The following GCNT1 variants were observed in gnomAD, a reference collection of about 807,000 sequenced individuals.
The protein encoded by GCNT1 is glucosaminyl (N-acetyl) transferase 1, also known as beta-1,3-galactosyl-O-glycosyl-glycoprotein beta-1,6-N-acetylglucosaminyltransferase.
In GCNT1, 16 loss-of-function variants were observed where a neutral mutation model predicts 26.2. That is an observed-to-expected ratio of 0.61 (90% CI 0.41 to 0.93). GCNT1 has a LOEUF of 0.93. Among genes scored for constraint, GCNT1 ranks in the 40% least tolerant of loss-of-function variants. The pLI, the probability that GCNT1 is intolerant of heterozygous loss-of-function variation, is 0.00. For missense variants in GCNT1, 477 were observed against 526.7 expected, an observed-to-expected ratio of 0.91 and a Z score of 0.92; for synonymous variants, 183 against 190.8, an observed-to-expected ratio of 0.96 and a Z score of 0.34.
Position 76,507,327 on chromosome 9 carries a change from C to T in GCNT1, c.*3659C>T, listed in dbSNP as rs1056238818. 1 of 167,020 alleles carries T rather than the reference C, an allele frequency of 6.0e-6. No individual in the cohort carries two copies. The highest frequency in any genetic ancestry group is 1.5e-5 in the Non-Finnish European group (1 of 68,106). 10.3% of individuals were successfully genotyped at this position (167,020 alleles called of 1,614,324 possible). On this transcript the variant is annotated 3_prime_UTR_variant, in exon 4 of 4. Transcript: ENST00000376730. ...TACTATTTCATGATAAACATGGTCACTGTAAGTTTTACTCTTTTGAATGAG... is the reference window on the plus strand; with the variant it reads ...TACTATTTCATGATAAACATGGTCATTGTAAGTTTTACTCTTTTGAATGAG...
intron 2 of GCNT1, among the ~76,000 whole-genome samples, chr9:76,467,906 T>TG (rs1358683263): frequency 1.1e-4 from 14 of 130,778 alleles, no homozygotes; most frequent in African/African-American, 4.0e-4. Flanking sequence ...TGTTTTTTTT[T>TG]TTTTTTTTTT....
intron 1 of GCNT1, among the ~76,000 whole-genome samples, chr9:76,452,598 G>GA (rs1823689700): frequency 2.0e-5 from 3 of 152,076 alleles, no homozygotes; most frequent in Non-Finnish European, 2.9e-5. Flanking sequence ...CTGGAGCAGG[G>GA]GGAGGAGAGG....
chr9:76,459,026 A>G (rs1174297017), upstream of GCNT1: 1 of 152,334 alleles, frequency 6.6e-6, no homozygotes, highest in Non-Finnish European at 1.5e-5. Context: ...CTACTCCCAG[A>G]CCACGTCAGT....
intron 1 of GCNT1, among the ~76,000 whole-genome samples, chr9:76,430,743 G>A (rs1439482610): frequency 1.3e-5 from 2 of 151,974 alleles, no homozygotes; most frequent in African/African-American, 4.8e-5. Flanking sequence ...AAGTGCAGTG[G>A]TGCAATCTCA....
chr9:76,411,034 A>G, the GCNT1 span, among the ~76,000 whole-genome samples: 51,121 of 152,070 alleles, frequency 0.34, 9,146 homozygotes, highest in Middle Eastern at 0.4. Flanking sequence ...TAGTGTTAGC[A>G]TGGAATATCT....
upstream of GCNT1, among the ~76,000 whole-genome samples, chr9:76,415,582 C>T (rs1156958820): frequency 6.6e-6 from 1 of 152,198 alleles, no homozygotes; most frequent in Admixed American, 6.5e-5. Flanking sequence ...CATTTCCCCT[C>T]CCATGAAAAG....
Position 76,503,591 on chromosome 9 carries a change from G to A in GCNT1, c.1210G>A (p.Val404Met), listed in dbSNP as rs761199284. The A allele has an allele frequency of 1.9e-5, 30 of 1,614,140 alleles. No homozygotes were observed. The highest frequency in any genetic ancestry group is 4.4e-5 in the South Asian group (4 of 91,080). ...KHHLFANKFD[V>M]DVDLFAIQCL... ...CCACTTGTTTGCCAATAAGTTTGACGTGGATGTTGACCTCTTTGCCATCCA... is the reference window on the plus strand; with the variant it reads ...CCACTTGTTTGCCAATAAGTTTGACATGGATGTTGACCTCTTTGCCATCCA... Residue 404 changes from valine (V) to methionine (M), a missense_variant, in exon 4 of 4, where the codon GTG (valine) becomes ATG (methionine). By Grantham distance (21) the Val-to-Met change is conservative. Coordinates refer to ENST00000376730, the MANE Select transcript of GCNT1 (RefSeq NM_001490.5).
chr9:76,437,491 G>A (rs146434692), upstream of GCNT1, among the ~76,000 whole-genome samples: 1 of 152,280 alleles, frequency 6.6e-6, no homozygotes, highest in African/African-American at 2.4e-5. Context: ...AAAAGGGGAG[G>A]CATGAATAAT....
chr9:76,428,559 C>T (rs1385924144), intron 1 of GCNT1, among the ~76,000 whole-genome samples: 1 of 152,060 alleles, frequency 6.6e-6, no homozygotes, highest in African/African-American at 2.4e-5. Flanking sequence ...GTTAAATAAT[C>T]TTTGTGCCCC....
rs113122064 is a variant in GCNT1 at position 76,504,138 on chromosome 9, A to C, written c.*470A>C. 1.5e-5 allele frequency: 3 copies of C among 198,302 alleles called. No individual in the cohort carries two copies. The highest frequency in any genetic ancestry group is 5.3e-5 in the Admixed American group (1 of 18,854). The allele number at this position is 198,302 out of a possible 1,614,324, so 12.3% of individuals were successfully genotyped here. ...AATCTGATATTATATTTGTTGAAAT[A>C]GAAATTTGATTGTACTATAAATGAT... is the stretch of plus-strand genomic sequence containing the variant. On this transcript the variant is annotated 3_prime_UTR_variant, in exon 4 of 4. Coordinates refer to ENST00000376730, the MANE Select transcript of GCNT1 (RefSeq NM_001490.5).
In GCNT1 at chr9:76,490,887, C is replaced by T. The variant is rs1007409817; in HGVS notation, c.-289-10029C>T. 2.6e-5 allele frequency among the ~76,000 whole-genome samples: 4 copies of T among 152,216 alleles called. No homozygotes were observed. In the East Asian group the frequency reaches 7.7e-4, roughly 29 times the overall value. On this transcript the variant is annotated intron_variant, in intron 2 of 3. Transcript: ENST00000376730. ...AGATTTAGATCCCCTGTAAGGAAAC[C>T]TGCTGGGTTAAGGATTTTTGATCAG...
At chr9:76,483,988 T>C (rs776623569) in intron 2 of GCNT1, among the ~76,000 whole-genome samples, 3 of 151,730 alleles carry the variant, frequency 2.0e-5, no homozygotes, top group Non-Finnish European at 4.4e-5. Flanking sequence ...CCTGAAAACT[T>C]TTTTATTTCA....
intron 1 of GCNT1, among the ~76,000 whole-genome samples, chr9:76,433,333 T>G (rs1587408387): frequency 6.6e-6 from 1 of 152,306 alleles, no homozygotes; most frequent in East Asian, 1.9e-4. Flanking sequence ...GACAGAACTG[T>G]TAACGTGCCC....
intron 2 of GCNT1, among the ~76,000 whole-genome samples, chr9:76,484,416 C>A (rs1296192050): frequency 6.6e-6 from 1 of 151,438 alleles, no homozygotes; most frequent in East Asian, 1.9e-4. Context: ...AGTATTACTT[C>A]TGTGAAAATA....
the GCNT1 span, among the ~76,000 whole-genome samples, chr9:76,395,107 A>G: frequency 6.6e-6 from 1 of 152,122 alleles, no homozygotes; most frequent in Non-Finnish European, 1.5e-5. Context: ...CACAAGCCCG[A>G]TAACAGGCCG....
At chr9:76,394,035 T>G in the GCNT1 span, 3 of 1,517,374 alleles carry the variant, frequency 2.0e-6, no homozygotes, top group Non-Finnish European at 2.7e-6. Flanking sequence ...GGCTGCCGTC[T>G]CTCCCCGCTC....
chr9:76,448,244 G>A (rs1441287898), intron 1 of GCNT1, among the ~76,000 whole-genome samples: 1 of 152,154 alleles, frequency 6.6e-6, no homozygotes, highest in African/African-American at 2.4e-5. Flanking sequence ...TTAAGCCCAG[G>A]AGTTTGAGAC....
intron 1 of GCNT1, among the ~76,000 whole-genome samples, chr9:76,444,510 G>A (rs12004264): frequency 0.12 from 18,119 of 152,122 alleles, 1,151 homozygotes; most frequent in East Asian, 0.14. Flanking sequence ...CAAGGTCAAG[G>A]AGTGACGATT....
At chr9:76,422,347 G>A (rs888192189) in intron 1 of GCNT1, among the ~76,000 whole-genome samples, 2 of 152,142 alleles carry the variant, frequency 1.3e-5, no homozygotes, top group Non-Finnish European at 2.9e-5. Flanking sequence ...AGGATTACAG[G>A]TGTGAACCAC....
Sources: allele counts gnomAD v4.1 joint callset (sites outside exome capture counted in the v4.1 genomes callset), GRCh38; gene constraint gnomAD v4.1.1; transcripts MANE v1.5; gene names NCBI Gene and HGNC (gene_info 2026-07-23, HGNC 2026-07-21).